NCAPD3: variants seen among roughly 807,000 people sequenced by gnomAD.
NCAPD3 encodes the protein non-SMC condensin II complex subunit D3.
A neutral mutation model predicts 182.9 loss-of-function variants in NCAPD3; 105 were observed. The observed-to-expected ratio is 0.57, with a 90% CI of 0.49 to 0.68. The LOEUF (loss-of-function observed/expected upper bound fraction) is 0.68. Ranked by LOEUF, NCAPD3 falls within the 30% of genes least tolerant of loss-of-function variation. NCAPD3 has a pLI of 0.00. For missense variants in NCAPD3, 1,944 were observed against 1,837.0 expected, an observed-to-expected ratio of 1.06 and a Z score of -1.07; for synonymous variants, 815 against 679.9, an observed-to-expected ratio of 1.20 and a Z score of -3.09.
intron 13 of NCAPD3, among the ~76,000 whole-genome samples, chr11:134,195,408 C>A (rs948825798): frequency 1.3e-5 from 2 of 152,048 alleles, no homozygotes; most frequent in Admixed American, 1.3e-4. Context: ...CTTGAGGCTT[C>A]TTTATATTCT....
chr11:134,153,132 A>G lies in NCAPD3; in HGVS notation c.4388+8T>C, dbSNP rs1004997776. ...CATCCACCTCAAAAGGAACACTGCT[A>G]AACTTACGGTTTATCAGGCAGTGAT... is the stretch of plus-strand genomic sequence containing the variant. On this transcript the variant is annotated splice_region_variant and intron_variant, in intron 34 of 34. Coordinates refer to ENST00000534548, the MANE Select transcript of NCAPD3 (RefSeq NM_015261.3). 15 of 1,613,974 alleles carry G rather than the reference A, an allele frequency of 9.3e-6. No homozygotes were observed. The highest frequency in any genetic ancestry group is 1.3e-5 in the Non-Finnish European group (15 of 1,179,838).
At position 134,184,493 on chromosome 11, in the gene NCAPD3, C is replaced by G. The variant is rs1944356743; in HGVS notation, c.2451+144G>C. 5.1e-6 allele frequency: 3 copies of G among 590,714 alleles called. No individual in the cohort carries two copies. In the Admixed American group the frequency reaches 1.0e-4, roughly 20 times the overall value. 36.6% of individuals were successfully genotyped at this position (590,714 alleles called of 1,614,324 possible). A position where few individuals can be genotyped will look rare whatever the true frequency, so the allele number is the denominator to read the frequency against. ...AATGTCAATTGCTAGTTATGTAAAC[C>G]TTGCCTTGTTGCGGCAATAGCTGCG... On this transcript the variant is annotated intron_variant, in intron 19 of 34. Coordinates refer to ENST00000534548, the MANE Select transcript of NCAPD3 (RefSeq NM_015261.3).
At chr11:134,207,612 G>A (rs1392680902) in intron 7 of NCAPD3, among the ~76,000 whole-genome samples, 9 of 151,776 alleles carry the variant, frequency 5.9e-5, no homozygotes, top group East Asian at 1.9e-4. Flanking sequence ...GCATGGTGGC[G>A]CGCACCTGTA....
intron 26 of NCAPD3, 29 bp downstream of exon 26, chr11:134,168,440 A>G (rs760244513): frequency 8.1e-6 from 13 of 1,612,538 alleles, no homozygotes; most frequent in Admixed American, 1.7e-5. Flanking sequence ...GCAAACACAC[A>G]CATTTTCTCC....
At chr11:134,224,311 CGCGT>C, upstream of NCAPD3, 1 of 302,792 alleles carries the variant, frequency 3.3e-6, no homozygotes, top group Middle Eastern at 1.1e-3. Context: ...GGCGACATTT[CGCGT>C]GCGTGTCAAA....
intron 32 of NCAPD3, among the ~76,000 whole-genome samples, chr11:134,155,166 A>G (rs1943385576): frequency 6.6e-6 from 1 of 152,164 alleles, no homozygotes; most frequent in Non-Finnish European, 1.5e-5. Context: ...TTCAGTTAAA[A>G]TCCTCGCTCT....
At chr11:134,188,534 C>G (rs1419215970) in intron 16 of NCAPD3, among the ~76,000 whole-genome samples, 1 of 152,204 alleles carries the variant, frequency 6.6e-6, no homozygotes, top group African/African-American at 2.4e-5. Flanking sequence ...TGTAACACCG[C>G]AAGGGTCTGC....
Position 134,217,001 on chromosome 11 carries a change from C to G in NCAPD3, c.317G>C (p.Ser106Thr). The G allele has an allele frequency of 6.2e-7, 1 of 1,614,056 alleles. No individual in the cohort carries two copies. The highest frequency in any genetic ancestry group is 1.1e-5 in the South Asian group (1 of 91,060). ...AAGGCCATATTCTCGATACTGTACA[C>G]TGACATTCTTCTTATGAACTATTTG... is the stretch of plus-strand genomic sequence containing the variant. Reference protein sequence around the residue: ...FVQIVHKKNVSVQYREYGLHA... With the variant: ...FVQIVHKKNVTVQYREYGLHA... Residue 106 changes from serine (S) to threonine (T), a missense_variant, in exon 3 of 35, where the codon AGT (serine) becomes ACT (threonine). Around this residue, in one of 3 missense-constraint regions of NCAPD3, gnomAD observed 131 missense variants for 133.9 expected, o/e 0.98. Transcript: ENST00000534548.
chr11:134,209,038 A>C lies in NCAPD3; in HGVS notation c.795-87T>G, dbSNP rs1937724451. 1.0e-5 allele frequency: 15 copies of C among 1,453,640 alleles called. No homozygotes were observed. In the South Asian group the frequency reaches 1.7e-4, roughly 16 times the overall value. 90.0% of individuals were successfully genotyped at this position (1,453,640 alleles called of 1,614,324 possible). A position where few individuals can be genotyped will look rare whatever the true frequency, so the allele number is the denominator to read the frequency against. On this transcript the variant is annotated intron_variant, in intron 6 of 34. Transcript: ENST00000534548. ...CCTACAAGCCATGTTTAAATGAATA[A>C]ATTCTACCTGTGTGCCAATTGGGAT...
At chr11:134,210,714 A>C (rs906708890) in intron 3 of NCAPD3, among the ~76,000 whole-genome samples, 3 of 152,216 alleles carry the variant, frequency 2.0e-5, no homozygotes, top group African/African-American at 7.2e-5. Flanking sequence ...AAAACTGGGC[A>C]AAAATTTATA....
chr11:134,179,496 T>C (rs1253934041), intron 20 of NCAPD3, among the ~76,000 whole-genome samples: 4 of 152,258 alleles, frequency 2.6e-5, no homozygotes, highest in South Asian at 2.1e-4. Context: ...CATAACTTAC[T>C]GCACTATTCC....
chr11:134,155,478 G>A (rs1943394389), intron 32 of NCAPD3, among the ~76,000 whole-genome samples: 1 of 152,150 alleles, frequency 6.6e-6, no homozygotes, highest in African/African-American at 2.4e-5. Context: ...CAAGAGCCTG[G>A]AGCAAGAACA....
At chr11:134,163,645 G>A (rs1283643283) in intron 27 of NCAPD3, among the ~76,000 whole-genome samples, 9 of 148,458 alleles carry the variant, frequency 6.1e-5, no homozygotes, top group African/African-American at 2.2e-4. Context: ...AGCTTGCACT[G>A]AGCAGAGATC....
intron 3 of NCAPD3, among the ~76,000 whole-genome samples, chr11:134,210,703 G>GA (rs1417960653): frequency 6.6e-6 from 1 of 152,160 alleles, no homozygotes; most frequent in Non-Finnish European, 1.5e-5. Flanking sequence ...TTAACGACTA[G>GA]AAAACTGGGC....
In NCAPD3 at chr11:134,213,243, A is replaced by G. The variant is rs117510345; in HGVS notation, c.383-2789T>C. On this transcript the variant is annotated intron_variant, in intron 3 of 34. Coordinates refer to ENST00000534548, the MANE Select transcript of NCAPD3 (RefSeq NM_015261.3). ...GTAGTTCCAGCTATTCTGGAGGCTG[A>G]GGAGCCCAGGAGTTCAAGGTTAAAG... Among the ~76,000 whole-genome samples the G allele has an allele frequency of 9.8e-3, 1,487 of 152,286 alleles. 17 individuals are homozygous for G. Among genetic ancestry groups the G allele is most frequent in the Non-Finnish European group, 0.017 (1,126 of 68,016 alleles).
In NCAPD3 at chr11:134,204,077, G is replaced by A; in HGVS notation, c.1184C>T (p.Ala395Val). ...ACTTCGGGAGTATTTGTAAAGCCAG[G>A]CAATGAACATAGCGTATTCCCCACA... ...LPCGEYAMFI[A>V]WLYKYSRSSK... The change falls in exon 10 of 35, where the codon GCC (alanine) becomes GTC (valine). Residue 395 changes from alanine (A) to valine (V), a missense_variant. Transcript: ENST00000534548. This position sits in a 1 kb window ranked among gnomAD's most constrained non-coding sequence, Gnocchi z 4.3. The A allele has an allele frequency of 1.2e-6, 2 of 1,614,102 alleles. No individual in the cohort carries two copies. Among genetic ancestry groups the A allele is most frequent in the Non-Finnish European group, 1.7e-6 (2 of 1,180,012 alleles).
chr11:134,165,465 G>A (rs1943748709), intron 27 of NCAPD3, among the ~76,000 whole-genome samples: 1 of 146,550 alleles, frequency 6.8e-6, no homozygotes, highest in Non-Finnish European at 1.5e-5. Flanking sequence ...GCACACTCAT[G>A]AGATGAGCTT....
intron 29 of NCAPD3, 98 bp from the exon 30 acceptor site, chr11:134,158,593 T>C: frequency 1.6e-6 from 2 of 1,278,142 alleles, no homozygotes; most frequent in East Asian, 2.4e-5. Context: ...CCATATGAGA[T>C]TTTGATACAT....
chr11:134,221,563 A>G (rs1223259777), intron 1 of NCAPD3, among the ~76,000 whole-genome samples: 6 of 152,144 alleles, frequency 3.9e-5, no homozygotes, highest in East Asian at 3.9e-4. Context: ...CTAATACACT[A>G]TATTTCTTCA....
Sources: gnomAD v4.1 joint callset for allele counts (sites outside exome capture counted in the v4.1 genomes callset) on GRCh38, gnomAD v4.1.1 for gene constraint, gnomAD v4.1.1 regional missense constraint, Gnocchi (gnomAD v3.1) non-coding constraint, MANE v1.5 for transcripts, NCBI Gene and HGNC (gene_info 2026-07-23, HGNC 2026-07-21) for gene names.